Variants in ACER2 observed in about 807,000 individuals in gnomAD.
ACER2 encodes the protein alkaline ceramidase 2.
ACER2 carries 26 observed loss-of-function variants against 34.7 expected under a neutral mutation model. The observed-to-expected ratio is 0.75, with a 90% CI of 0.55 to 1.04. ACER2 has a LOEUF of 1.04. ACER2 is among the 50% of genes least tolerant of loss of function. The pLI, the probability that ACER2 is intolerant of heterozygous loss-of-function variation, is 0.00. For synonymous variants in ACER2, 138 were observed against 132.1 expected (o/e 1.04, Z -0.31); for missense variants, 352 against 340.8 (o/e 1.03, Z -0.26).
chr9:19,418,978 G>A (rs1267595840), intron 1 of ACER2, among the ~76,000 whole-genome samples: 1 of 152,170 alleles, frequency 6.6e-6, no homozygotes, highest in East Asian at 1.9e-4. Context: ...CCTGAGGTCA[G>A]CAGTTCCAGA....
intron 4 of ACER2, among the ~76,000 whole-genome samples, chr9:19,441,048 C>CTTTTT (rs539195950): frequency 4.3e-5 from 6 of 138,916 alleles, no homozygotes; most frequent in East Asian, 2.1e-4. Flanking sequence ...TTTTCTTTTT[C>CTTTTT]TTTTTTTTTT....
chr9:19,434,088 C>G (rs1381463246), intron 3 of ACER2, among the ~76,000 whole-genome samples: 2 of 151,614 alleles, frequency 1.3e-5, no homozygotes, highest in African/African-American at 4.9e-5. Flanking sequence ...TCCTCACCTC[C>G]CAGACGGGGT....
At chr9:19,452,484 ATTAAATTTATTTAAGG>A (rs1831596736) in exon 6 of ACER2, among the ~76,000 whole-genome samples, 1 of 152,330 alleles carries the variant, frequency 6.6e-6, no homozygotes, top group Admixed American at 6.5e-5. Context: ...ATTGTATGTT[ATTAAATTTATTTAAGG>A]TTAAATTTAT....
chr9:19,444,299 C>T (rs1017846986), intron 4 of ACER2, among the ~76,000 whole-genome samples: 6 of 151,188 alleles, frequency 4.0e-5, no homozygotes, highest in African/African-American at 1.5e-4. Flanking sequence ...GCAAGCTCCG[C>T]CTCCCGGGTT....
At chr9:19,439,706 G>T (rs1831085868) in intron 4 of ACER2, among the ~76,000 whole-genome samples, 1 of 152,192 alleles carries the variant, frequency 6.6e-6, no homozygotes, top group South Asian at 2.1e-4. Flanking sequence ...GGTGGCTCAT[G>T]CCTGTAATCC....
chr9:19,446,731 A>T, intron 5 of ACER2: 1 of 759,768 alleles, frequency 1.3e-6, no homozygotes, highest in Non-Finnish European at 1.6e-6. Context: ...AGCTCTAGCT[A>T]GGTGTTGGGG....
At chr9:19,425,073 A>G (rs1830519546) in intron 3 of ACER2, among the ~76,000 whole-genome samples, 1 of 152,232 alleles carries the variant, frequency 6.6e-6, no homozygotes, top group Non-Finnish European at 1.5e-5. Context: ...CCCAAAGTAC[A>G]TCACCTCTCT....
intron 1 of ACER2, 136 bp downstream of exon 1, chr9:19,409,328 C>A (rs1830014849): frequency 1.3e-6 from 1 of 764,130 alleles, no homozygotes; most frequent in Non-Finnish European, 2.1e-6. Flanking sequence ...TCAGTCCACA[C>A]CCCCTCCTCG....
intron 4 of ACER2, among the ~76,000 whole-genome samples, chr9:19,441,479 C>G (rs1227741362): frequency 1.3e-5 from 2 of 152,216 alleles, no homozygotes; most frequent in Non-Finnish European, 2.9e-5. Flanking sequence ...TCCTCAGCCA[C>G]TCTGACCTTC....
rs891545379 is a variant in ACER2 at position 19,452,476 on chromosome 9, T to C, written c.*1840T>C. Among the ~76,000 whole-genome samples the C allele has an allele frequency of 6.6e-6, 1 of 152,182 alleles. No individual in the cohort carries two copies. The highest frequency in any genetic ancestry group is 1.5e-5 in the Non-Finnish European group (1 of 68,040). On this transcript the variant is annotated 3_prime_UTR_variant, in exon 6 of 6. Transcript: ENST00000340967. Reference sequence around the variant, plus strand: ...TGGAACCCCAGTGTGTGAAGTAAATTGTATGTTATTAAATTTATTTAAGGT... The same window carrying C: ...TGGAACCCCAGTGTGTGAAGTAAATCGTATGTTATTAAATTTATTTAAGGT...
At chr9:19,412,787 T>C (rs1301216618) in intron 1 of ACER2, among the ~76,000 whole-genome samples, 1 of 152,192 alleles carries the variant, frequency 6.6e-6, no homozygotes, top group African/African-American at 2.4e-5. Context: ...GATATTTCCA[T>C]ATCAGCTCAT....
intron 1 of ACER2, among the ~76,000 whole-genome samples, chr9:19,418,629 T>C (rs1389157787): frequency 1.3e-5 from 2 of 152,164 alleles, no homozygotes; most frequent in East Asian, 3.9e-4. Flanking sequence ...TTCTCACTCA[T>C]AAGTGGGAGT....
At chr9:19,418,670 A>G (rs996137701) in intron 1 of ACER2, among the ~76,000 whole-genome samples, 6 of 152,134 alleles carry the variant, frequency 3.9e-5, no homozygotes, top group Non-Finnish European at 7.3e-5. Context: ...CAGGGAGGGA[A>G]ACATCACACA....
intron 3 of ACER2, among the ~76,000 whole-genome samples, chr9:19,434,638 C>T (rs556923657): frequency 7.2e-5 from 11 of 152,322 alleles, no homozygotes; most frequent in Non-Finnish European, 1.2e-4. Context: ...TCAGGTGTGG[C>T]GGTGCGCGCC....
intron 1 of ACER2, among the ~76,000 whole-genome samples, chr9:19,417,393 AC>A (rs1281817575): frequency 1.3e-5 from 2 of 152,218 alleles, no homozygotes; most frequent in African/African-American, 4.8e-5. Context: ...TCATATGGAA[AC>A]AAAAAGCCCA....
intron 3 of ACER2, among the ~76,000 whole-genome samples, chr9:19,434,153 G>A (rs1369449757): frequency 2.0e-5 from 3 of 148,512 alleles, no homozygotes; most frequent in South Asian, 4.3e-4. Context: ...GGGCAGAGGC[G>A]CTCCCCACAT....
In ACER2 at chr9:19,451,595, G is replaced by A. The variant is rs2132541985; in HGVS notation, c.*959G>A. 6.6e-6 allele frequency: 1 copy of A among 152,590 alleles called. No homozygotes were observed. The highest frequency in any genetic ancestry group is 2.4e-5 in the African/African-American group (1 of 41,510). 9.5% of individuals were successfully genotyped at this position (152,590 alleles called of 1,614,324 possible). A position where few individuals can be genotyped will look rare whatever the true frequency, so the allele number is the denominator to read the frequency against. On this transcript the variant is annotated 3_prime_UTR_variant, in exon 6 of 6. Coordinates refer to ENST00000340967, the MANE Select transcript of ACER2 (RefSeq NM_001010887.3). ...ATACTGAGCACAATTTTTAAATACT[G>A]ACATCACTTCCTCTTCCCCCTCCCA...
chr9:19,423,913 C>T lies in ACER2; in HGVS notation c.160C>T (p.Arg54Cys), dbSNP rs145427232. 18 of 1,613,944 alleles carry T rather than the reference C, an allele frequency of 1.1e-5. 1 individual carries two copies. In the Admixed American group the frequency reaches 1.8e-4, roughly 16 times the overall value. ...ILPPICMCLF[R>C]QYATCFNSGI... Reference sequence around the variant, plus strand: ...ACCGCCCATCTGCATGTGCTTGTTTCGTCAGTATGCAACATGCTTCAACAG... The same window carrying T: ...ACCGCCCATCTGCATGTGCTTGTTTTGTCAGTATGCAACATGCTTCAACAG... The change falls in exon 2 of 6, where the codon CGT (arginine) becomes TGT (cysteine). Residue 54 changes from arginine (R) to cysteine (C), a missense_variant. By Grantham distance (180) the Arg-to-Cys change is radical. Transcript: ENST00000340967.
In ACER2 at chr9:19,428,594, TA is replaced by T. The variant is rs995340403; in HGVS notation, c.365+3763del. Among the ~76,000 whole-genome samples, 999 of 144,948 alleles carry T rather than the reference TA, an allele frequency of 6.9e-3. 8 individuals carry two copies. Among genetic ancestry groups the T allele is most frequent in the Middle Eastern group, 0.021 (6 of 288 alleles). On this transcript the variant is annotated intron_variant, in intron 3 of 5. Transcript: ENST00000340967. ...ACATGGCTTTGAATAACAATTAACC[TA>T]AAAAAAAAAGGCTCTGGGACCCTGT...
Sources: allele counts gnomAD v4.1 joint callset (sites outside exome capture counted in the v4.1 genomes callset), GRCh38; gene constraint gnomAD v4.1.1; transcripts MANE v1.5; gene names NCBI Gene and HGNC (gene_info 2026-07-23, HGNC 2026-07-21).